The following ROBO2 variants were observed in gnomAD, a reference collection of about 807,000 sequenced individuals.
The protein encoded by ROBO2 is roundabout guidance receptor 2, also known as roundabout homolog 2.
In ROBO2, 53 loss-of-function variants were observed where a neutral mutation model predicts 160.8. That is an observed-to-expected ratio of 0.33 (90% CI 0.26 to 0.41). ROBO2 has a LOEUF of 0.41. Ranked by LOEUF, ROBO2 falls within the 10% of genes least tolerant of loss-of-function variation. ROBO2 has a pLI of 1.00. For missense variants in ROBO2, 1,577 were observed against 1,722.4 expected, an observed-to-expected ratio of 0.92 and a Z score of 1.49; for synonymous variants, 664 against 611.7, an observed-to-expected ratio of 1.09 and a Z score of -1.26.
At chr3:77,163,725 T>C (rs2078695730) in intron 2 of ROBO2, among the ~76,000 whole-genome samples, 1 of 152,240 alleles carries the variant, frequency 6.6e-6, no homozygotes, top group Admixed American at 6.5e-5. Flanking sequence ...TATTTGGACA[T>C]GGTCTGGGAC....
intron 2 of ROBO2, among the ~76,000 whole-genome samples, chr3:77,004,891 G>A (rs1460506121): frequency 6.6e-6 from 1 of 152,006 alleles, no homozygotes; most frequent in Non-Finnish European, 1.5e-5. Context: ...GAATTACCAC[G>A]CCTCGCTAGG....
chr3:76,994,094 T>A (rs12233434), intron 2 of ROBO2, among the ~76,000 whole-genome samples: 79,891 of 150,970 alleles, frequency 0.53, 21,992 homozygotes, highest in East Asian at 0.8. Context: ...TTTTTTGTTT[T>A]TTTTTTTTGT....
chr3:75,964,650 T>A (rs1243978526), intron 2 of ROBO2, among the ~76,000 whole-genome samples: 1 of 151,702 alleles, frequency 6.6e-6, no homozygotes, highest in Non-Finnish European at 1.5e-5. Context: ...TGAACATCCC[T>A]ATTTTACCAA....
At chr3:76,706,447 T>A (rs1056939872) in intron 2 of ROBO2, among the ~76,000 whole-genome samples, 2 of 151,974 alleles carry the variant, frequency 1.3e-5, no homozygotes, top group African/African-American at 4.8e-5. Context: ...TGGAAAGGAA[T>A]AATTATTTCT....
chr3:77,472,758 C>T (rs1283291447), intron 2 of ROBO2, among the ~76,000 whole-genome samples: 1 of 151,922 alleles, frequency 6.6e-6, no homozygotes, highest in Non-Finnish European at 1.5e-5. Context: ...GACAAGCAAT[C>T]GTATATATTA....
intron 2 of ROBO2, among the ~76,000 whole-genome samples, chr3:77,291,474 A>G (rs1398190263): frequency 1.3e-5 from 2 of 151,916 alleles, no homozygotes; most frequent in African/African-American, 4.8e-5. Context: ...TTAAACGGGT[A>G]GGCTGAGGCT....
At chr3:76,844,574 C>G (rs1313896220) in intron 2 of ROBO2, among the ~76,000 whole-genome samples, 6 of 151,910 alleles carry the variant, frequency 3.9e-5, no homozygotes, top group Admixed American at 3.9e-4. Context: ...TCTCTCCAAG[C>G]CTCACTTATA....
Position 76,387,533 on chromosome 3 carries a change from AG to A in ROBO2, c.109+449933del, listed in dbSNP as rs202005752. Among the ~76,000 whole-genome samples the A allele has an allele frequency of 5.9e-3, 906 of 152,322 alleles. 6 individuals are homozygous for A. Among genetic ancestry groups the A allele is most frequent in the African/African-American group, 0.021 (870 of 41,568 alleles). ...CCTAAAATTATGTGTTGCACATAATAGGCAATTAATAAATATTTGCTGAATG... is the reference window on the plus strand; with the variant it reads ...CCTAAAATTATGTGTTGCACATAATAGCAATTAATAAATATTTGCTGAATG... On this transcript the variant is annotated intron_variant, in intron 2 of 26. Coordinates refer to the ROBO2 transcript ENST00000487694.
At chr3:76,975,033 C>T (rs536382696) in intron 2 of ROBO2, among the ~76,000 whole-genome samples, 3 of 152,062 alleles carry the variant, frequency 2.0e-5, no homozygotes, top group Admixed American at 6.6e-5. Context: ...TGCAGACATG[C>T]TTTAATATGA....
At chr3:76,363,771 A>G (rs1184139608) in intron 2 of ROBO2, among the ~76,000 whole-genome samples, 2 of 152,114 alleles carry the variant, frequency 1.3e-5, no homozygotes, top group East Asian at 3.9e-4. Context: ...TACATGTATT[A>G]GTGGATGTTT....
intron 2 of ROBO2, among the ~76,000 whole-genome samples, chr3:77,256,445 T>A (rs1426762048): frequency 1.3e-5 from 2 of 152,204 alleles, no homozygotes; most frequent in African/African-American, 4.8e-5. Context: ...AACATTAACA[T>A]CATTAAGAAT....
At chr3:76,570,990 T>C (rs973154019) in intron 2 of ROBO2, among the ~76,000 whole-genome samples, 7 of 152,172 alleles carry the variant, frequency 4.6e-5, no homozygotes, top group Non-Finnish European at 8.8e-5. Flanking sequence ...CTAAAACTTA[T>C]GTAATGAAGA....
intron 2 of ROBO2, among the ~76,000 whole-genome samples, chr3:77,222,696 G>T (rs759980337): frequency 2.5e-4 from 38 of 152,190 alleles, no homozygotes; most frequent in South Asian, 6.2e-4. Flanking sequence ...TGTGTTTAAA[G>T]CATTTCTTTT....
intron 2 of ROBO2, among the ~76,000 whole-genome samples, chr3:77,175,237 TC>T (rs1423585044): frequency 6.6e-6 from 1 of 152,086 alleles, no homozygotes; most frequent in Non-Finnish European, 1.5e-5. Flanking sequence ...TGGCCACTAT[TC>T]TTATTGCTTC....
At chr3:77,059,507 GAA>G (rs2066082223) in intron 1 of ROBO2, among the ~76,000 whole-genome samples, 1 of 152,152 alleles carries the variant, frequency 6.6e-6, no homozygotes, top group African/African-American at 2.4e-5. Flanking sequence ...GCAAGACAAA[GAA>G]AACAATTTTG....
At chr3:77,452,764 A>G (rs2081248142) in intron 2 of ROBO2, among the ~76,000 whole-genome samples, 1 of 149,688 alleles carries the variant, frequency 6.7e-6, no homozygotes, top group Non-Finnish European at 1.5e-5. Flanking sequence ...CTAAAACCAA[A>G]ACATGTTTTT....
At chr3:76,026,512 A>G (rs1321496136) in intron 2 of ROBO2, among the ~76,000 whole-genome samples, 1 of 151,966 alleles carries the variant, frequency 6.6e-6, no homozygotes, top group Non-Finnish European at 1.5e-5. Flanking sequence ...GTAAGGAAAA[A>G]GCATATTTTC....
intron 2 of ROBO2, among the ~76,000 whole-genome samples, chr3:76,157,824 T>C (rs1031425695): frequency 6.6e-6 from 1 of 152,202 alleles, no homozygotes; most frequent in Non-Finnish European, 1.5e-5. Context: ...TAGATTTAAC[T>C]ACCATTTCTA....
intron 2 of ROBO2, among the ~76,000 whole-genome samples, chr3:75,943,819 G>T (rs1948160600): frequency 6.6e-6 from 1 of 151,928 alleles, no homozygotes; most frequent in Non-Finnish European, 1.5e-5. Context: ...TCCTGCCTCA[G>T]GCTCCCGAGT....
Sources: allele counts gnomAD v4.1 joint callset (sites outside exome capture counted in the v4.1 genomes callset), GRCh38; gene constraint gnomAD v4.1.1; transcripts MANE v1.5; gene names NCBI Gene and HGNC (gene_info 2026-07-23, HGNC 2026-07-21).